Variants in BNC2 observed in about 807,000 individuals in gnomAD.
The protein encoded by BNC2 is zinc finger protein basonuclin-2.
A neutral mutation model predicts 76.3 loss-of-function variants in BNC2; 20 were observed. The observed-to-expected ratio is 0.26, with a 90% CI of 0.18 to 0.38. The LOEUF (loss-of-function observed/expected upper bound fraction) is 0.38. BNC2 is among the 10% of genes least tolerant of loss of function. BNC2 has a pLI of 1.00. For synonymous variants in BNC2, 582 were observed against 514.8 expected, an observed-to-expected ratio of 1.13 and a Z score of -1.77; for missense variants, 1,382 against 1,399.8, an observed-to-expected ratio of 0.99 and a Z score of 0.20.
At chr9:16,615,877 T>G (rs1435025090) in intron 3 of BNC2, among the ~76,000 whole-genome samples, 1 of 152,144 alleles carries the variant, frequency 6.6e-6, no homozygotes, top group Non-Finnish European at 1.5e-5. Context: ...ATTGGTACTA[T>G]TATATCGCCA....
chr9:16,579,194 C>T (rs566158064), intron 4 of BNC2, among the ~76,000 whole-genome samples: 71 of 152,244 alleles, frequency 4.7e-4, no homozygotes, highest in African/African-American at 1.6e-3. Flanking sequence ...TAAGAAAATA[C>T]TCTGTGAAAA....
At chr9:16,710,167 T>A (rs1823794952) in intron 3 of BNC2, among the ~76,000 whole-genome samples, 1 of 152,028 alleles carries the variant, frequency 6.6e-6, no homozygotes, top group Non-Finnish European at 1.5e-5. Context: ...TTGAATCTCT[T>A]CCCCTCCTAC....
intron 5 of BNC2, among the ~76,000 whole-genome samples, chr9:16,535,542 T>C (rs1208011661): frequency 2.0e-5 from 3 of 152,070 alleles, no homozygotes; most frequent in Non-Finnish European, 4.4e-5. Context: ...CTGTTTATCC[T>C]CCCTGCCATT....
intron 1 of BNC2, among the ~76,000 whole-genome samples, chr9:16,755,466 C>A (rs1825356915): frequency 6.6e-6 from 1 of 152,176 alleles, no homozygotes; most frequent in Admixed American, 6.5e-5. Context: ...GTGTCGACCA[C>A]TGCTGCGCTT....
chr9:16,468,589 T>C (rs759278595), intron 5 of BNC2, among the ~76,000 whole-genome samples: 2 of 151,814 alleles, frequency 1.3e-5, no homozygotes, highest in African/African-American at 4.8e-5. Context: ...AGAGACGAGG[T>C]TTCACCACGT....
chr9:16,831,767 T>C (rs1172521177), intron 1 of BNC2, among the ~76,000 whole-genome samples: 1 of 152,166 alleles, frequency 6.6e-6, no homozygotes, highest in Non-Finnish European at 1.5e-5. Flanking sequence ...GCTCCTGGGT[T>C]ATGGTTCCTC....
rs1158538707 is a variant in BNC2, at chr9:16,581,556, TGAG to T, written c.433+1424_433+1426del. Among the ~76,000 whole-genome samples the T allele has an allele frequency of 3.3e-5, 5 of 152,074 alleles. No homozygotes were observed. In the East Asian group the frequency reaches 9.6e-4, roughly 29 times the overall value. Reference sequence around the variant, plus strand: ...CCATGTAAAGGTGACCATCTACAAATGAGGAGGAGAAGCCTCAGAATGAAACCA... The same window carrying T: ...CCATGTAAAGGTGACCATCTACAAATGAGGAGAAGCCTCAGAATGAAACCA... On this transcript the variant is annotated intron_variant, in intron 4 of 6. Transcript: ENST00000380672.
chr9:16,858,845 C>CA (rs1269476543), intron 1 of BNC2, among the ~76,000 whole-genome samples: 48 of 125,476 alleles, frequency 3.8e-4, no homozygotes, highest in East Asian at 2.1e-3. Flanking sequence ...GACTCCATCT[C>CA]AAAAAAAAAA....
intron 1 of BNC2, among the ~76,000 whole-genome samples, chr9:16,811,082 G>A (rs1258665785): frequency 6.6e-6 from 1 of 152,022 alleles, no homozygotes; most frequent in Non-Finnish European, 1.5e-5. Flanking sequence ...GCCAGGCATG[G>A]TGGCGGGCGC....
chr9:16,861,560 G>C (rs1041458863), intron 1 of BNC2, among the ~76,000 whole-genome samples: 1 of 152,148 alleles, frequency 6.6e-6, no homozygotes, highest in Middle Eastern at 3.4e-3. Flanking sequence ...GGCCAATAAA[G>C]TGCATAAGAT....
At chr9:16,785,400 C>G (rs574087925) in intron 1 of BNC2, among the ~76,000 whole-genome samples, 2 of 151,960 alleles carry the variant, frequency 1.3e-5, no homozygotes, top group South Asian at 4.2e-4. Flanking sequence ...CTATGTATTT[C>G]TTTTTTTTAG....
intron 1 of BNC2, among the ~76,000 whole-genome samples, chr9:16,748,824 C>T (rs1347028072): frequency 1.9e-5 from 2 of 104,730 alleles, no homozygotes; most frequent in African/African-American, 4.0e-5. Context: ...GCCTGGGCAA[C>T]AGAGCGAAAC....
chr9:16,688,918 G>C (rs1823060714), intron 3 of BNC2, among the ~76,000 whole-genome samples: 1 of 152,084 alleles, frequency 6.6e-6, no homozygotes, highest in African/African-American at 2.4e-5. Context: ...CATGGTGTGT[G>C]AGAGAGCTAT....
intron 3 of BNC2, among the ~76,000 whole-genome samples, chr9:16,607,505 A>G (rs941501174): frequency 7.9e-5 from 12 of 152,328 alleles, no homozygotes; most frequent in Admixed American, 7.8e-4. Flanking sequence ...TAACGGCTAC[A>G]CTTTAGGGTA....
chr9:16,774,994 G>C (rs1825925614), intron 1 of BNC2, among the ~76,000 whole-genome samples: 1 of 152,198 alleles, frequency 6.6e-6, no homozygotes, highest in South Asian at 2.1e-4. Flanking sequence ...AAAAATACAT[G>C]TAATTACAAG....
At chr9:16,599,360 CTT>C in intron 3 of BNC2, among the ~76,000 whole-genome samples, 1 of 152,352 alleles carries the variant, frequency 6.6e-6, no homozygotes, top group African/African-American at 2.4e-5. Flanking sequence ...AATACTCTCT[CTT>C]GCTGCAAGGC....
chr9:16,516,339 G>A (rs983526833), intron 5 of BNC2, among the ~76,000 whole-genome samples: 1 of 151,268 alleles, frequency 6.6e-6, no homozygotes, highest in African/African-American at 2.4e-5. Context: ...CAAGTTAAAT[G>A]CTAAGATTCC....
Position 16,436,217 on chromosome 9 carries a change from GTCATCATCT to G in BNC2, c.1968_1976del (p.Glu656_Asp658del), listed in dbSNP as rs766067189. Reference sequence around the variant, plus strand: ...TGACCACAGCTCCACCATCATTGGGGTCATCATCTTCATCATCAAACTCATCGGCGGTAT... The same window carrying G: ...TGACCACAGCTCCACCATCATTGGGGTCATCATCAAACTCATCGGCGGTAT... On this transcript the variant is annotated inframe_deletion, in exon 6 of 7. Coordinates refer to ENST00000380672, the MANE Select transcript of BNC2 (RefSeq NM_017637.6). 1.2e-6 allele frequency: 2 copies of G among 1,614,148 alleles called. No individual in the cohort carries two copies.
chr9:16,420,706 C>T (rs116336577), intron 6 of BNC2, among the ~76,000 whole-genome samples: 18,744 of 150,386 alleles, frequency 0.12, 1,510 homozygotes, highest in African/African-American at 0.23. Context: ...TATTTTTTTA[C>T]ATATATATAT....
Sources: allele counts gnomAD v4.1 joint callset (sites outside exome capture counted in the v4.1 genomes callset), GRCh38; gene constraint gnomAD v4.1.1; transcripts MANE v1.5; gene names NCBI Gene and HGNC (gene_info 2026-07-23, HGNC 2026-07-21).